DOCK8: variants seen among roughly 807,000 people sequenced by gnomAD.
DOCK8 encodes the protein dedicator of cytokinesis protein 8.
Under a neutral mutation model 245.6 loss-of-function variants are expected in DOCK8, and 141 were observed. The ratio of observed to expected loss-of-function variants is 0.57; its 90% CI spans 0.50 to 0.66. The LOEUF (loss-of-function observed/expected upper bound fraction) is 0.66, where lower values mean the gene tolerates loss of function less well. Ranked by LOEUF, DOCK8 falls within the 30% of genes least tolerant of loss-of-function variation. The probability of loss-of-function intolerance (pLI) is 0.00; values close to 1 mark genes in which losing one functional copy is unlikely to be tolerated. For missense variants in DOCK8, 2,965 were observed against 2,603.4 expected, an observed-to-expected ratio of 1.14 and a Z score of -3.02; for synonymous variants, 1,168 against 970.2, an observed-to-expected ratio of 1.20 and a Z score of -3.79.
intron 1 of DOCK8, among the ~76,000 whole-genome samples, chr9:257,162 G>A (rs972526031): frequency 2.0e-5 from 3 of 152,188 alleles, no homozygotes; most frequent in African/African-American, 7.2e-5. Context: ...AGAAAAGATG[G>A]AGATGGTTTG....
chr9:453,250 T>G (rs1276027725), intron 46 of DOCK8, among the ~76,000 whole-genome samples: 1 of 152,248 alleles, frequency 6.6e-6, no homozygotes, highest in Non-Finnish European at 1.5e-5. Context: ...TTTGCGTGTT[T>G]GTATTTGTGC....
chr9:213,056 G>C (rs1016479614), upstream of DOCK8: 3 of 152,148 alleles, frequency 2.0e-5, no homozygotes, highest in Admixed American at 6.5e-5. Context: ...CCAAATGTTT[G>C]CTCATAAATT....
intron 1 of DOCK8, among the ~76,000 whole-genome samples, chr9:227,897 C>A (rs549375452): frequency 6.6e-6 from 1 of 151,962 alleles, no homozygotes; most frequent in Non-Finnish European, 1.5e-5. Context: ...CATGGCAGAC[C>A]GTTGTAGTAT....
chr9:421,898 C>G (rs1397327523), intron 32 of DOCK8, 150 bp from the exon 33 acceptor site: 3 of 717,058 alleles, frequency 4.2e-6, no homozygotes, highest in African/African-American at 3.5e-5. Context: ...ATAGGTGTGG[C>G]GACTTTGTCT....
At chr9:247,470 A>T (rs1468336670) in intron 1 of DOCK8, among the ~76,000 whole-genome samples, 1 of 152,188 alleles carries the variant, frequency 6.6e-6, no homozygotes, top group Admixed American at 6.5e-5. Flanking sequence ...TTTTTTTAAA[A>T]TAATGCCAAG....
At chr9:460,647 C>A (rs1422380971) in intron 46 of DOCK8, 1 of 152,218 alleles carries the variant, frequency 6.6e-6, no homozygotes, top group East Asian at 1.9e-4. Context: ...AGGTGAAAAT[C>A]CAGTTAAGGG....
intron 15 of DOCK8, 52 bp from the exon 16 acceptor site, chr9:370,178 T>C: frequency 6.9e-7 from 1 of 1,453,790 alleles, no homozygotes; most frequent in Non-Finnish European, 9.7e-7. Flanking sequence ...ATAGTCAATT[T>C]GATGTACCCA....
chr9:438,750 A>G (rs1228509821), intron 39 of DOCK8, among the ~76,000 whole-genome samples: 1 of 152,230 alleles, frequency 6.6e-6, no homozygotes, highest in Non-Finnish European at 1.5e-5. Flanking sequence ...CTGCAATGCC[A>G]TGAAAACTTC....
At chr9:433,353 C>G (rs969770723) in intron 37 of DOCK8, among the ~76,000 whole-genome samples, 2 of 152,172 alleles carry the variant, frequency 1.3e-5, no homozygotes, top group Admixed American at 6.5e-5. Flanking sequence ...GTCTCTAGAT[C>G]AAGCCATAGT....
intron 4 of DOCK8, 122 bp from the exon 5 acceptor site, chr9:304,459 C>T (rs868273550): frequency 1.5e-5 from 19 of 1,282,422 alleles, no homozygotes; most frequent in Middle Eastern, 2.3e-4. Flanking sequence ...ATAATTGGTT[C>T]CCTCTTTGAA....
chr9:409,434 ATTATC>A (rs2055604980), intron 28 of DOCK8, among the ~76,000 whole-genome samples: 1 of 152,212 alleles, frequency 6.6e-6, no homozygotes, highest in Non-Finnish European at 1.5e-5. Flanking sequence ...GCAATTTACA[ATTATC>A]TTACTTTAGC....
intron 1 of DOCK8, among the ~76,000 whole-genome samples, chr9:268,528 C>G (rs890155886): frequency 2.0e-5 from 3 of 152,220 alleles, no homozygotes; most frequent in Non-Finnish European, 4.4e-5. Context: ...CTTCCTGCCT[C>G]TTTGATCCTC....
At chr9:242,082 G>A (rs951504190) in intron 1 of DOCK8, among the ~76,000 whole-genome samples, 4 of 152,134 alleles carry the variant, frequency 2.6e-5, no homozygotes, top group Non-Finnish European at 5.9e-5. Flanking sequence ...TGGTACATGC[G>A]ATCTGCAGGG....
intron 1 of DOCK8, among the ~76,000 whole-genome samples, chr9:222,797 T>C (rs765837683): frequency 3.4e-4 from 52 of 152,250 alleles, no homozygotes; most frequent in Non-Finnish European, 6.6e-4. Context: ...AACTTAGTTA[T>C]TTCTTAATTT....
At chr9:262,672 G>A (rs150410805) in intron 1 of DOCK8, among the ~76,000 whole-genome samples, 282 of 151,870 alleles carry the variant, frequency 1.9e-3, no homozygotes, top group Non-Finnish European at 3.6e-3. Flanking sequence ...ACCAGGAGAC[G>A]GAGGGTAAAA....
Position 463,582 on chromosome 9 carries a change from A to T in DOCK8, c.6134A>T (p.Glu2045Val). ...ITADQREYQQ[E>V]LKKNYNKLKE... ...GCAGACCAGAGGGAATATCAGCAGGAACTCAAAAAGAACTATAACAAGCTA... is the reference window on the plus strand; with the variant it reads ...GCAGACCAGAGGGAATATCAGCAGGTACTCAAAAAGAACTATAACAAGCTA... Residue 2045 changes from glutamate to valine, a missense_variant, in exon 47 of 48, where the codon GAA becomes GTA. This residue lies in a region of DOCK8 where 134 missense variants were observed against 128.1 expected (regional missense o/e 1.05). Transcript: ENST00000432829. 1 of 1,614,222 alleles carries T rather than the reference A, an allele frequency of 6.2e-7. No homozygotes were observed. The highest frequency in any genetic ancestry group is 8.5e-7 in the Non-Finnish European group (1 of 1,180,042).
chr9:265,299 G>A (rs192231761), intron 1 of DOCK8, among the ~76,000 whole-genome samples: 4 of 152,206 alleles, frequency 2.6e-5, no homozygotes, highest in Non-Finnish European at 5.9e-5. Flanking sequence ...TGGGGAGAGG[G>A]GTGTGTAACA....
intron 1 of DOCK8, among the ~76,000 whole-genome samples, chr9:219,779 C>T (rs1387878371): frequency 2.6e-5 from 4 of 152,138 alleles, no homozygotes; most frequent in Admixed American, 2.6e-4. Flanking sequence ...CACCTGTAGT[C>T]CCAGCTACTT....
intron 15 of DOCK8, chr9:368,433 A>G: frequency 3.2e-6 from 2 of 620,634 alleles, no homozygotes; most frequent in Non-Finnish European, 5.8e-6. Flanking sequence ...CTCTAAAGGC[A>G]TACAAAGTAA....
Sources: allele counts gnomAD v4.1 joint callset (sites outside exome capture counted in the v4.1 genomes callset), GRCh38; gene constraint gnomAD v4.1.1; regional missense constraint gnomAD v4.1.1; transcripts MANE v1.5; gene names NCBI Gene and HGNC (gene_info 2026-07-23, HGNC 2026-07-21).